The following TRIM3 variants were observed in gnomAD, a reference collection of about 807,000 sequenced individuals.
TRIM3 encodes tripartite motif containing 3.
Under a neutral mutation model 66.6 loss-of-function variants are expected in TRIM3, and 13 were observed. The ratio of observed to expected loss-of-function variants is 0.20; its 90% CI spans 0.13 to 0.31. The LOEUF (loss-of-function observed/expected upper bound fraction) is 0.31. Ranked by LOEUF, TRIM3 falls within the 10% of genes least tolerant of loss-of-function variation. The pLI, the probability that TRIM3 is intolerant of heterozygous loss-of-function variation, is 1.00. For synonymous variants in TRIM3, 406 were observed against 411.7 expected (o/e 0.99, Z 0.17); for missense variants, 711 against 1,020.4 (o/e 0.70, Z 4.13).
In TRIM3 at chr11:6,456,548, C is replaced by T. The variant is rs376023603; in HGVS notation, c.1178G>A (p.Arg393His). 1.9e-6 allele frequency: 3 copies of T among 1,605,738 alleles called. No homozygotes were observed. Among genetic ancestry groups the T allele is most frequent in the Non-Finnish European group, 1.7e-6 (2 of 1,174,360 alleles). Residue 393 changes from arginine to histidine, a missense_variant, in exon 6 of 12, where the codon CGC (arginine) becomes CAC (histidine). Physicochemically the swap from Arg to His is conservative, Grantham distance 29. This residue lies in a region of TRIM3 where 399 missense variants were observed against 458.1 expected (regional missense o/e 0.87). Coordinates refer to ENST00000345851, the MANE Select transcript of TRIM3 (RefSeq NM_033278.4). This position sits in a 1 kb window ranked among gnomAD's most constrained non-coding sequence, Gnocchi z 6.4. ...CGAGAGGAGCAGCTCGCCTTCCGTGCGCGCTGTGTACACTAGCTCATATGT... is the reference window on the plus strand; with the variant it reads ...CGAGAGGAGCAGCTCGCCTTCCGTGTGCGCTGTGTACACTAGCTCATATGT... ...NGTYELVYTA[R>H]TEGELLLSVL... is the part of the protein sequence containing the mutation.
At position 6,457,781 on chromosome 11, in the gene TRIM3, G is replaced by A. The variant is rs200787297; in HGVS notation, c.430C>T (p.Arg144Cys). 2.0e-5 allele frequency: 32 copies of A among 1,614,204 alleles called. No individual in the cohort carries two copies. Among genetic ancestry groups the A allele is most frequent in the South Asian group, 8.8e-5 (8 of 91,084 alleles). Residue 144 changes from arginine (R) to cysteine (C), a missense_variant, in exon 4 of 12, where the codon CGT becomes TGT. Arg to Cys is a radical substitution (Grantham distance 180). This residue lies in a region of TRIM3 where 149 missense variants were observed against 240.3 expected (regional missense o/e 0.62). Coordinates refer to ENST00000345851, the MANE Select transcript of TRIM3 (RefSeq NM_033278.4). The surrounding 1 kb of genome is among the most constrained non-coding windows in gnomAD (Gnocchi z 4.5). The part of the protein sequence containing the change: ...MCGECRAGEH[R>C]EHGTVLLRDV... ...CTCAGCAGCACTGTGCCATGCTCAC[G>A]ATGCTCCCCGGCGCGGCACTCACCA...
intron 1 of TRIM3, among the ~76,000 whole-genome samples, chr11:6,470,533 C>T (rs781671401): frequency 2.0e-5 from 3 of 152,146 alleles, no homozygotes; most frequent in African/African-American, 4.8e-5. Context: ...CCTGCCAAAG[C>T]GTGGGGGTTG....
chr11:6,460,137 T>C (rs1254296312), intron 2 of TRIM3, among the ~76,000 whole-genome samples: 1 of 151,850 alleles, frequency 6.6e-6, no homozygotes, highest in African/African-American at 2.4e-5. Context: ...GAAAACTGAG[T>C]GGTACATTTC....
At chr11:6,465,532 C>A in intron 2 of TRIM3, 33 bp downstream of exon 2, 2 of 1,613,352 alleles carry the variant, frequency 1.2e-6, no homozygotes, top group Admixed American at 1.7e-5. Context: ...CCCACAGGGT[C>A]CTCATCCCTC....
Position 6,457,069 on chromosome 11 carries a change from A to G in TRIM3, c.697-40T>C, listed in dbSNP as rs1205070375. On this transcript the variant is annotated intron_variant, in intron 5 of 11. Coordinates refer to ENST00000345851, the MANE Select transcript of TRIM3 (RefSeq NM_033278.4). The surrounding 1 kb of genome is among the most constrained non-coding windows in gnomAD (Gnocchi z 4.5). ...GGGAGGAGTGGGTGAGCAGACTGGC[A>G]CAGGGGGAGTCTCTGTGATTACTGA... 6.4e-7 allele frequency: 1 copy of G among 1,560,796 alleles called. No individual in the cohort carries two copies. The highest frequency in any genetic ancestry group is 1.2e-5 in the South Asian group (1 of 85,256).
Position 6,457,491 on chromosome 11 carries a change from T to A in TRIM3, c.516-15A>T. ...GCTGTGGCAATCTGGAGGGGGAATA[T>A]CTCATTCCAGAGTTGCTGAGGGTGG... On this transcript the variant is annotated splice_polypyrimidine_tract_variant and intron_variant, in intron 4 of 11. Transcript: ENST00000345851. The surrounding 1 kb of genome is among the most constrained non-coding windows in gnomAD (Gnocchi z 4.5). The A allele has an allele frequency of 6.2e-7, 1 of 1,609,888 alleles. No homozygotes were observed. Among genetic ancestry groups the A allele is most frequent in the Non-Finnish European group, 8.5e-7 (1 of 1,178,270 alleles).
In TRIM3 at chr11:6,457,130, C is replaced by A; in HGVS notation, c.697-101G>T. 6.6e-7 allele frequency: 1 copy of A among 1,525,294 alleles called. No homozygotes were observed. Among genetic ancestry groups the A allele is most frequent in the South Asian group, 1.2e-5 (1 of 80,026 alleles). 94.5% of individuals were successfully genotyped at this position (1,525,294 alleles called of 1,614,324 possible). On this transcript the variant is annotated intron_variant, in intron 5 of 11. Coordinates refer to ENST00000345851, the MANE Select transcript of TRIM3 (RefSeq NM_033278.4). This position sits in a 1 kb window ranked among gnomAD's most constrained non-coding sequence, Gnocchi z 4.5. ...CTGTGGCATAAAATACAAGAGGGTG[C>A]CTGTGGACAGAGGACACAGATGCCC...
At chr11:6,452,649 T>A (rs1008643854) in intron 7 of TRIM3, 1 of 152,244 alleles carries the variant, frequency 6.6e-6, no homozygotes, top group Non-Finnish European at 1.5e-5. Context: ...GCTCTTGGGT[T>A]CTGCAGTGGT....
intron 7 of TRIM3, among the ~76,000 whole-genome samples, chr11:6,453,490 G>C (rs1319632068): frequency 6.6e-6 from 1 of 152,130 alleles, no homozygotes; most frequent in Non-Finnish European, 1.5e-5. Flanking sequence ...TCTAGTGGGG[G>C]AGAAAGACTT....
At chr11:6,463,605 C>T (rs1850329569) in intron 2 of TRIM3, among the ~76,000 whole-genome samples, 2 of 152,174 alleles carry the variant, frequency 1.3e-5, no homozygotes, top group African/African-American at 2.4e-5. Flanking sequence ...GAGGCCAGGA[C>T]GCAGCTGGTG....
chr11:6,474,054 C>T (rs887321592), upstream of TRIM3: 2 of 149,370 alleles, frequency 1.3e-5, no homozygotes, highest in Middle Eastern at 3.2e-3. Flanking sequence ...GCCCACCCCG[C>T]CTGCCCACCC....
At chr11:6,473,546 C>T (rs923024367) in intron 1 of TRIM3, among the ~76,000 whole-genome samples, 1 of 152,096 alleles carries the variant, frequency 6.6e-6, no homozygotes, top group African/African-American at 2.4e-5. Flanking sequence ...TCCCAAACCC[C>T]GCGCTCCCCT....
In TRIM3 at chr11:6,457,659, G is replaced by A; in HGVS notation, c.515+37C>T. 7 of 1,593,836 alleles carry A rather than the reference G, an allele frequency of 4.4e-6. No homozygotes were observed. Among genetic ancestry groups the A allele is most frequent in the Non-Finnish European group, 6.0e-6 (7 of 1,166,624 alleles). Reference sequence around the variant, plus strand: ...CCGCCCGAGCTAAGACACCATCCCTGTGGCCCCACCAGCCCAGGACCCTGC... The same window carrying A: ...CCGCCCGAGCTAAGACACCATCCCTATGGCCCCACCAGCCCAGGACCCTGC... On this transcript the variant is annotated intron_variant, in intron 4 of 11. Coordinates refer to ENST00000345851, the MANE Select transcript of TRIM3 (RefSeq NM_033278.4). This position sits in a 1 kb window ranked among gnomAD's most constrained non-coding sequence, Gnocchi z 4.5.
intron 7 of TRIM3, 97 bp downstream of exon 7, chr11:6,455,975 A>G: frequency 8.2e-7 from 1 of 1,213,870 alleles, no homozygotes; most frequent in Middle Eastern, 2.3e-4. Flanking sequence ...GTAGGGTTCC[A>G]TCTTCCAGGA....
At chr11:6,461,504 C>T (rs1850239242) in intron 2 of TRIM3, among the ~76,000 whole-genome samples, 1 of 148,362 alleles carries the variant, frequency 6.7e-6, no homozygotes, top group South Asian at 2.2e-4. Flanking sequence ...CCATCATTCT[C>T]AGTGGCACTA....
chr11:6,449,283 T>C lies in TRIM3; in HGVS notation c.2082+23A>G. On this transcript the variant is annotated intron_variant, in intron 11 of 11. Coordinates refer to ENST00000345851, the MANE Select transcript of TRIM3 (RefSeq NM_033278.4). This position sits in a 1 kb window ranked among gnomAD's most constrained non-coding sequence, Gnocchi z 5.3. ...GACACACCAGGAAACCGCCCCCTCA[T>C]GTCATTCCCAGGCCTTACTCACCTG... 1 of 1,611,850 alleles carries C rather than the reference T, an allele frequency of 6.2e-7. No homozygotes were observed. The highest frequency in any genetic ancestry group is 8.5e-7 in the Non-Finnish European group (1 of 1,178,126).
intron 1 of TRIM3, among the ~76,000 whole-genome samples, chr11:6,470,729 T>C (rs1850654571): frequency 6.6e-6 from 1 of 152,180 alleles, no homozygotes; most frequent in African/African-American, 2.4e-5. Flanking sequence ...CCTGAAGCCA[T>C]GGGCGTGGAT....
rs1427003818 is a variant in TRIM3, at chr11:6,457,787, C to T, written c.424G>A (p.Glu142Lys). 1 of 1,614,110 alleles carries T rather than the reference C, an allele frequency of 6.2e-7. No homozygotes were observed. The highest frequency in any genetic ancestry group is 1.3e-5 in the African/African-American group (1 of 74,944). ...AGCACTGTGCCATGCTCACGATGCT[C>T]CCCGGCGCGGCACTCACCACACATG... ...TAMCGECRAGEHREHGTVLLR... is the reference protein window; with the variant it reads ...TAMCGECRAGKHREHGTVLLR... Residue 142 changes from glutamate (E) to lysine (K), a missense_variant, in exon 4 of 12, where the codon GAG becomes AAG. Transcript: ENST00000345851. The surrounding 1 kb of genome is among the most constrained non-coding windows in gnomAD (Gnocchi z 4.5).
At chr11:6,455,404 C>G (rs1395553708) in intron 7 of TRIM3, among the ~76,000 whole-genome samples, 1 of 152,088 alleles carries the variant, frequency 6.6e-6, no homozygotes, top group African/African-American at 2.4e-5. Context: ...GCCCACTGTA[C>G]TAGGCTCTGA....
Sources: allele counts gnomAD v4.1 joint callset (sites outside exome capture counted in the v4.1 genomes callset), GRCh38; gene constraint gnomAD v4.1.1; regional missense constraint gnomAD v4.1.1; non-coding constraint Gnocchi (gnomAD v3.1); transcripts MANE v1.5; gene names NCBI Gene and HGNC (gene_info 2026-07-23, HGNC 2026-07-21).